Variants in C2orf42 observed in about 807,000 individuals in gnomAD.
The protein encoded by C2orf42 is chromosome 2 open reading frame 42.
Under a neutral mutation model 58.9 loss-of-function variants are expected in C2orf42, and 44 were observed. The ratio of observed to expected loss-of-function variants is 0.75; its 90% CI spans 0.59 to 0.96. The LOEUF is 0.96. Ranked by LOEUF, C2orf42 falls within the 40% of genes least tolerant of loss-of-function variation. C2orf42 has a pLI of 0.00. For missense variants in C2orf42, 630 were observed against 699.2 expected, an observed-to-expected ratio of 0.90 and a Z score of 1.12; for synonymous variants, 239 against 265.4, an observed-to-expected ratio of 0.90 and a Z score of 0.97.
intron 9 of C2orf42, 56 bp from the exon 10 acceptor site, chr2:70,150,620 T>A: frequency 7.5e-7 from 1 of 1,337,056 alleles, no homozygotes; most frequent in Non-Finnish European, 1.1e-6. Context: ...TGGGTGTTCC[T>A]AATTGCAAAA....
Position 70,180,665 on chromosome 2 carries a change from AC to A in C2orf42, c.823+497del, listed in dbSNP as rs1190135019. Among the ~76,000 whole-genome samples, 7 of 150,316 alleles carry A rather than the reference AC, an allele frequency of 4.7e-5. No homozygotes were observed. In the South Asian group the frequency reaches 1.5e-3, roughly 32 times the overall value. ...TTCTGTCTCTTGATCATTAATTTCA[AC>A]CAACCAACCAACCTTTATGCAAGTG... On this transcript the variant is annotated intron_variant, in intron 3 of 9. Coordinates refer to ENST00000264434, the MANE Select transcript of C2orf42 (RefSeq NM_017880.3).
chr2:70,151,041 C>T (rs1672278567), intron 9 of C2orf42, among the ~76,000 whole-genome samples: 1 of 152,170 alleles, frequency 6.6e-6, no homozygotes, highest in African/African-American at 2.4e-5. Flanking sequence ...CCACGCCCAG[C>T]CATCATGAAG....
chr2:70,165,444 G>A (rs975332651), intron 7 of C2orf42, 84 bp downstream of exon 7: 10 of 809,248 alleles, frequency 1.2e-5, no homozygotes, highest in African/African-American at 3.4e-5. Context: ...GAATACTCAC[G>A]GTGAATATTC....
intron 1 of C2orf42, among the ~76,000 whole-genome samples, chr2:70,187,549 GTCTTT>G (rs1558693556): frequency 6.6e-6 from 1 of 152,202 alleles, no homozygotes; most frequent in African/African-American, 2.4e-5. Context: ...ACTGTGCCCA[GTCTTT>G]TCTTTTACTT....
chr2:70,187,713 C>T (rs1047117651), intron 1 of C2orf42, among the ~76,000 whole-genome samples: 8 of 151,576 alleles, frequency 5.3e-5, no homozygotes, highest in African/African-American at 1.5e-4. Flanking sequence ...TAAATTGAGA[C>T]GGAGTCTCAC....
At position 70,165,468 on chromosome 2, in the gene C2orf42, T is replaced by C; in HGVS notation, c.1252+60A>G. The C allele has an allele frequency of 5.1e-6, 5 of 979,680 alleles. No homozygotes were observed. In the South Asian group the frequency reaches 6.6e-5, roughly 13 times the overall value. The allele number at this position is 979,680 out of a possible 1,614,324, so 60.7% of individuals were successfully genotyped here. ...CGGTGAATATTCCACACAGATTTTT[T>C]CCAAACATAATTCTCTATGTTCGAG... is the stretch of plus-strand genomic sequence containing the variant. On this transcript the variant is annotated intron_variant, in intron 7 of 9. Coordinates refer to ENST00000264434, the MANE Select transcript of C2orf42 (RefSeq NM_017880.3).
chr2:70,181,501 G>A lies in C2orf42; in HGVS notation c.485C>T (p.Ser162Phe). 1 of 1,613,542 alleles carries A rather than the reference G, an allele frequency of 6.2e-7. No individual in the cohort carries two copies. Among genetic ancestry groups the A allele is most frequent in the Non-Finnish European group, 8.5e-7 (1 of 1,180,008 alleles). ...KSSVLNAMQA[S>F]PETKQTIWQL... ...CCAGATGGTCTGTTTGGTTTCCGGGGAGGCCTGCATTGCATTCAGGACCGA... is the reference window on the plus strand; with the variant it reads ...CCAGATGGTCTGTTTGGTTTCCGGGAAGGCCTGCATTGCATTCAGGACCGA... Residue 162 changes from serine (S) to phenylalanine (F), a missense_variant, in exon 3 of 10, where the codon TCC (serine) becomes TTC (phenylalanine). Ser to Phe is a radical substitution (Grantham distance 155, BLOSUM62 -2). Coordinates refer to ENST00000264434, the MANE Select transcript of C2orf42 (RefSeq NM_017880.3).
intron 6 of C2orf42, among the ~76,000 whole-genome samples, chr2:70,167,942 T>C (rs530585680): frequency 6.6e-6 from 1 of 151,880 alleles, no homozygotes; most frequent in Non-Finnish European, 1.5e-5. Flanking sequence ...ATCAATATTC[T>C]GTTTTCTGGG....
intron 9 of C2orf42, 91 bp downstream of exon 9, chr2:70,160,534 G>T: frequency 3.7e-6 from 3 of 813,266 alleles, no homozygotes; most frequent in Non-Finnish European, 1.9e-6. Context: ...TGTCTTCTTT[G>T]TTTAAGGTCA....
In C2orf42 at chr2:70,181,159, C is replaced by T. The variant is rs1283721060; in HGVS notation, c.823+4G>A. ...GTAATAACCACATCAACCATACCAC[C>T]TACCGCTGGAATCAAAATTTAGGAA... is the stretch of plus-strand genomic sequence containing the variant. On this transcript the variant is annotated splice_donor_region_variant and intron_variant, in intron 3 of 9. Transcript: ENST00000264434. 7 of 1,531,822 alleles carry T rather than the reference C, an allele frequency of 4.6e-6. No individual in the cohort carries two copies. Among genetic ancestry groups the T allele is most frequent in the Non-Finnish European group, 6.2e-6 (7 of 1,129,598 alleles). 94.9% of individuals were successfully genotyped at this position (1,531,822 alleles called of 1,614,324 possible).
At chr2:70,174,000 A>T (rs1674015599) in intron 5 of C2orf42, among the ~76,000 whole-genome samples, 1 of 152,036 alleles carries the variant, frequency 6.6e-6, no homozygotes, top group Admixed American at 6.6e-5. Context: ...ACATGTCAGA[A>T]TTTTTTTGTT....
At chr2:70,165,764 A>G in intron 6 of C2orf42, 129 bp from the exon 7 acceptor site, 1 of 604,638 alleles carries the variant, frequency 1.7e-6, no homozygotes. Context: ...TTCTTTATAC[A>G]GAGGCAAAAA....
chr2:70,160,593 C>CA (rs1558657743), intron 9 of C2orf42, 32 bp downstream of exon 9: 1 of 1,546,530 alleles, frequency 6.5e-7, no homozygotes, highest in South Asian at 1.2e-5. Context: ...AGCTGACACT[C>CA]AAAGGAAGAT....
chr2:70,190,434 A>C, intron 1 of C2orf42: 1 of 152,252 alleles, frequency 6.6e-6, no homozygotes, highest in East Asian at 1.9e-4. Flanking sequence ...CTTTCTATGC[A>C]TGTACTGCCC....
intron 7 of C2orf42, 41 bp from the exon 8 acceptor site, chr2:70,165,233 T>C (rs1386829838): frequency 1.8e-6 from 2 of 1,137,904 alleles, no homozygotes; most frequent in South Asian, 1.3e-5. Flanking sequence ...TACCAAAAAA[T>C]AACATTTTCT....
intron 3 of C2orf42, among the ~76,000 whole-genome samples, chr2:70,180,174 C>T (rs1195565272): frequency 6.6e-6 from 1 of 151,552 alleles, no homozygotes; most frequent in African/African-American, 2.4e-5. Flanking sequence ...TGCCTGTAGT[C>T]CCAGCTACTC....
Position 70,150,173 on chromosome 2 carries a change from A to G in C2orf42, c.*183T>C. ...AATGAAGACTGTACACAGCAGCATC[A>G]AAAAGGCTATTTACAAGAGATTTTC... On this transcript the variant is annotated 3_prime_UTR_variant, in exon 10 of 10. Transcript: ENST00000264434. 1 of 611,626 alleles carries G rather than the reference A, an allele frequency of 1.6e-6. No homozygotes were observed. Among genetic ancestry groups the G allele is most frequent in the Admixed American group, 2.8e-5 (1 of 35,880 alleles). The allele number at this position is 611,626 out of a possible 1,614,324, so 37.9% of individuals were successfully genotyped here.
At position 70,179,517 on chromosome 2, in the gene C2orf42, C is replaced by A. The variant is rs1674407569; in HGVS notation, c.934+15G>T. 2 of 1,102,828 alleles carry A rather than the reference C, an allele frequency of 1.8e-6. No homozygotes were observed. The highest frequency in any genetic ancestry group is 2.7e-6 in the Non-Finnish European group (2 of 727,366). 68.3% of individuals were successfully genotyped at this position (1,102,828 alleles called of 1,614,324 possible). A position where few individuals can be genotyped will look rare whatever the true frequency, so the allele number is the denominator to read the frequency against. Reference sequence around the variant, plus strand: ...CTAAAGACAATACCACCAAACCAACCAACCAGACTCTTACCAGATACTTCA... The same window carrying A: ...CTAAAGACAATACCACCAAACCAACAAACCAGACTCTTACCAGATACTTCA... On this transcript the variant is annotated intron_variant, in intron 4 of 9. Transcript: ENST00000264434.
intron 1 of C2orf42, among the ~76,000 whole-genome samples, chr2:70,187,218 A>C (rs1473971732): frequency 3.3e-5 from 5 of 152,140 alleles, no homozygotes; most frequent in African/African-American, 1.2e-4. Flanking sequence ...TAGCATCAAC[A>C]ATGGAGTTCC....
Sources: gnomAD v4.1 joint callset for allele counts (sites outside exome capture counted in the v4.1 genomes callset) on GRCh38, gnomAD v4.1.1 for gene constraint, MANE v1.5 for transcripts, NCBI Gene and HGNC (gene_info 2026-07-23, HGNC 2026-07-21) for gene names.